MAP2K5: variants seen among roughly 807,000 people sequenced by gnomAD.
MAP2K5 encodes dual specificity mitogen-activated protein kinase kinase 5.
In MAP2K5, 49 loss-of-function variants were observed where a neutral mutation model predicts 83.1. The ratio of observed to expected loss-of-function variants is 0.59; its 90% CI spans 0.47 to 0.75. The LOEUF is 0.75. Ranked by LOEUF, MAP2K5 falls within the 30% of genes least tolerant of loss-of-function variation. MAP2K5 has a pLI of 0.00. For missense variants in MAP2K5, 457 were observed against 557.5 expected (o/e 0.82, Z 1.82); for synonymous variants, 202 against 191.8 (o/e 1.05, Z -0.44).
intron 9 of MAP2K5, among the ~76,000 whole-genome samples, chr15:67,645,672 G>T (rs555507031): frequency 4.6e-5 from 7 of 151,802 alleles, no homozygotes; most frequent in Admixed American, 3.9e-4. Flanking sequence ...TCCCACCTCA[G>T]CCTCCCAAGT....
Position 67,693,527 on chromosome 15 carries a change from T to C in MAP2K5, c.931T>C (p.Ser311Pro). ...DFGVSTQLVNSIAKTYVGTNA... is the reference protein window; with the variant it reads ...DFGVSTQLVNPIAKTYVGTNA... ...CTGTTTTGTCTCATAGCTGGTGAATTCTATAGCCAAGACGTATGTTGGAAC... is the reference window on the plus strand; with the variant it reads ...CTGTTTTGTCTCATAGCTGGTGAATCCTATAGCCAAGACGTATGTTGGAAC... Residue 311 changes from serine (S) to proline (P), a missense_variant, in exon 15 of 22, where the codon TCT becomes CCT. Around this residue, in one of 3 missense-constraint regions of MAP2K5, gnomAD observed 168 missense variants for 263.0 expected, o/e 0.64. Coordinates refer to ENST00000178640, the MANE Select transcript of MAP2K5 (RefSeq NM_145160.3). 2 of 1,611,914 alleles carry C rather than the reference T, an allele frequency of 1.2e-6. No homozygotes were observed. The highest frequency in any genetic ancestry group is 1.7e-6 in the Non-Finnish European group (2 of 1,178,690).
chr15:67,748,312 TC>T lies in MAP2K5; in HGVS notation c.1101+57del. ...ACTTTTCTTTTTCCTGATGGCTGCTTCCTTTGCATGCTTGAATGCCTTGTTT... is the reference window on the plus strand; with the variant it reads ...ACTTTTCTTTTTCCTGATGGCTGCTTCTTTGCATGCTTGAATGCCTTGTTT... On this transcript the variant is annotated intron_variant, in intron 18 of 21. Transcript: ENST00000178640. This position sits in a 1 kb window ranked among gnomAD's most constrained non-coding sequence, Gnocchi z 4.0. 7.0e-7 allele frequency: 1 copy of T among 1,425,126 alleles called. No homozygotes were observed. Among genetic ancestry groups the T allele is most frequent in the Middle Eastern group, 1.8e-4 (1 of 5,704 alleles). The allele number at this position is 1,425,126 out of a possible 1,614,324, so 88.3% of individuals were successfully genotyped here. A position where few individuals can be genotyped will look rare whatever the true frequency, so the allele number is the denominator to read the frequency against.
In MAP2K5 at chr15:67,749,414, T is replaced by C. The variant is rs1462980692; in HGVS notation, c.1134+813T>C. Among the ~76,000 whole-genome samples, 1 of 152,198 alleles carries C rather than the reference T, an allele frequency of 6.6e-6. No individual in the cohort carries two copies. Among genetic ancestry groups the C allele is most frequent in the Non-Finnish European group, 1.5e-5 (1 of 68,050 alleles). On this transcript the variant is annotated intron_variant, in intron 19 of 21. Transcript: ENST00000178640. This position sits in a 1 kb window ranked among gnomAD's most constrained non-coding sequence, Gnocchi z 4.6. ...CAATGTTTATTTTTTAAACTTTAATTTTATAATATTTAAAACAGTTGTAAT... is the reference window on the plus strand; with the variant it reads ...CAATGTTTATTTTTTAAACTTTAATCTTATAATATTTAAAACAGTTGTAAT...
chr15:67,666,434 G>A (rs1185321506), intron 13 of MAP2K5, among the ~76,000 whole-genome samples: 2 of 152,034 alleles, frequency 1.3e-5, no homozygotes, highest in African/African-American at 4.8e-5. Flanking sequence ...CATTTGAAAT[G>A]GGATCTTGAT....
chr15:67,681,335 T>C (rs1463586298), intron 13 of MAP2K5, among the ~76,000 whole-genome samples: 3 of 152,242 alleles, frequency 2.0e-5, no homozygotes, highest in Admixed American at 6.5e-5. Context: ...ACACTGAGCA[T>C]GTGAGTGTTG....
intron 13 of MAP2K5, among the ~76,000 whole-genome samples, chr15:67,675,745 G>C (rs2087663966): frequency 6.6e-6 from 1 of 152,128 alleles, no homozygotes; most frequent in African/African-American, 2.4e-5. Context: ...CCTGTATTCA[G>C]AAGGTCAGCT....
At chr15:67,624,589 TTGTGTG>T (rs71142388) in intron 8 of MAP2K5, among the ~76,000 whole-genome samples, 18,804 of 141,470 alleles carry the variant, frequency 0.13, 1,137 homozygotes, top group East Asian at 0.2. Flanking sequence ...CACGATCTCT[TTGTGTG>T]TGTGTGTGTG....
intron 17 of MAP2K5, among the ~76,000 whole-genome samples, chr15:67,731,581 T>C (rs1039689994): frequency 6.6e-6 from 1 of 152,176 alleles, no homozygotes; most frequent in Non-Finnish European, 1.5e-5. Flanking sequence ...GTGTCTTGGC[T>C]TCACCTGGCA....
intron 17 of MAP2K5, among the ~76,000 whole-genome samples, chr15:67,743,911 T>C (rs1356864164): frequency 6.6e-6 from 1 of 152,180 alleles, no homozygotes; most frequent in South Asian, 2.1e-4. Context: ...CTGGGGACCA[T>C]GGGCATCTGA....
At position 67,635,188 on chromosome 15, in the gene MAP2K5, C is replaced by CTT. The variant is rs35373677; in HGVS notation, c.585+4275_585+4276dup. Among the ~76,000 whole-genome samples, 462 of 141,622 alleles carry CTT rather than the reference C, an allele frequency of 3.3e-3. 5 individuals are homozygous for CTT. The highest frequency in any genetic ancestry group is 6.7e-3 in the African/African-American group (258 of 38,452). 92.9% of individuals were successfully genotyped at this position (141,622 alleles called of 152,430 possible). On this transcript the variant is annotated intron_variant, in intron 9 of 21. Coordinates refer to ENST00000178640, the MANE Select transcript of MAP2K5 (RefSeq NM_145160.3). The stretch of plus-strand genomic sequence containing the variant: ...CACTACTTTTGCTTTAGATATTTAT[C>CTT]TTTTTTTTTTTTTTTGAGACAGAGT...
chr15:67,658,383 G>A (rs2087141882), intron 11 of MAP2K5, among the ~76,000 whole-genome samples, 170 bp from the exon 12 acceptor site: 1 of 152,068 alleles, frequency 6.6e-6, no homozygotes, highest in South Asian at 2.1e-4. Context: ...ACTTCATCAG[G>A]AAGTATGATT....
At chr15:67,789,300 A>G (rs1044286447) in intron 21 of MAP2K5, among the ~76,000 whole-genome samples, 5 of 152,204 alleles carry the variant, frequency 3.3e-5, no homozygotes, top group African/African-American at 1.2e-4. Flanking sequence ...TTATTAAGAC[A>G]GTGACTGTGT....
intron 8 of MAP2K5, among the ~76,000 whole-genome samples, chr15:67,604,587 G>T (rs2085737343): frequency 6.6e-6 from 1 of 152,148 alleles, no homozygotes; most frequent in African/African-American, 2.4e-5. Flanking sequence ...CCATCTGCAA[G>T]ATGGGGATAA....
chr15:67,570,808 C>G (rs1246575922), intron 3 of MAP2K5, among the ~76,000 whole-genome samples: 2 of 152,048 alleles, frequency 1.3e-5, no homozygotes, highest in Non-Finnish European at 2.9e-5. Flanking sequence ...ACTGACTGAG[C>G]TACATATAAT....
chr15:67,635,164 A>G (rs2086572398), intron 9 of MAP2K5, among the ~76,000 whole-genome samples: 1 of 148,472 alleles, frequency 6.7e-6, no homozygotes, highest in East Asian at 2.0e-4. Context: ...ATGCATTGTC[A>G]CTACTTTTGC....
intron 11 of MAP2K5, among the ~76,000 whole-genome samples, chr15:67,657,969 T>A (rs1273131303): frequency 6.6e-6 from 1 of 152,094 alleles, no homozygotes; most frequent in African/African-American, 2.4e-5. Flanking sequence ...ATTTTTAGCC[T>A]CTGATAGGAA....
intron 21 of MAP2K5, among the ~76,000 whole-genome samples, chr15:67,804,723 G>T (rs2090768382): frequency 6.6e-6 from 1 of 152,218 alleles, no homozygotes; most frequent in South Asian, 2.1e-4. Flanking sequence ...CCGGGCGTGG[G>T]GGGAGGGGCC....
At chr15:67,703,168 A>ATATACTG (rs1335445977) in intron 15 of MAP2K5, among the ~76,000 whole-genome samples, 169 bp from the exon 16 acceptor site, 1 of 152,226 alleles carries the variant, frequency 6.6e-6, no homozygotes, top group Non-Finnish European at 1.5e-5. Flanking sequence ...TAGATCATCT[A>ATATACTG]TATACTGTAT....
intron 3 of MAP2K5, among the ~76,000 whole-genome samples, chr15:67,580,487 T>C (rs961646080): frequency 6.6e-5 from 10 of 152,080 alleles, no homozygotes; most frequent in Admixed American, 6.6e-4. Flanking sequence ...ATATATCATT[T>C]TCAAATATTT....
Sources: gnomAD v4.1 joint callset for allele counts (sites outside exome capture counted in the v4.1 genomes callset) on GRCh38, gnomAD v4.1.1 for gene constraint, gnomAD v4.1.1 regional missense constraint, Gnocchi (gnomAD v3.1) non-coding constraint, MANE v1.5 for transcripts, NCBI Gene and HGNC (gene_info 2026-07-23, HGNC 2026-07-21) for gene names.